The following ZNF536 variants were observed in gnomAD, a reference collection of about 807,000 sequenced individuals.
ZNF536 encodes the protein zinc finger protein 536.
A neutral mutation model predicts 84.5 loss-of-function variants in ZNF536; 13 were observed. The ratio of observed to expected loss-of-function variants is 0.15; its 90% confidence interval spans 0.10 to 0.24. ZNF536 has a LOEUF of 0.24. ZNF536 is among the 10% of genes least tolerant of loss of function. The pLI, the probability that ZNF536 is intolerant of heterozygous loss-of-function variation, is 1.00. For synonymous variants in ZNF536, 811 were observed against 742.5 expected (o/e 1.09, Z -1.50); for missense variants, 1,536 against 1,747.5 (o/e 0.88, Z 2.16).
intron 2 of ZNF536, among the ~76,000 whole-genome samples, chr19:30,341,630 T>C (rs1409221514): frequency 6.6e-6 from 1 of 152,040 alleles, no homozygotes; most frequent in Non-Finnish European, 1.5e-5. Flanking sequence ...GCCCCCCTCA[T>C]CTCTTTGTGC....
chr19:30,377,086 G>A (rs911629522), intron 1 of ZNF536, among the ~76,000 whole-genome samples: 15 of 152,352 alleles, frequency 9.8e-5, no homozygotes, highest in African/African-American at 3.6e-4. Flanking sequence ...GTCATCGAGA[G>A]AGCCAACGTG....
chr19:30,397,223 C>T (rs190756171), intron 1 of ZNF536, among the ~76,000 whole-genome samples: 6 of 152,296 alleles, frequency 3.9e-5, no homozygotes, highest in African/African-American at 1.4e-4. Flanking sequence ...ATGTCTAAAG[C>T]CACCTTTGCA....
At chr19:30,593,542 G>T (rs1349292522) in intron 1 of ZNF536, among the ~76,000 whole-genome samples, 1 of 152,118 alleles carries the variant, frequency 6.6e-6, no homozygotes, top group African/African-American at 2.4e-5. Context: ...AGGTAGGCAG[G>T]CCCAGCACAC....
In ZNF536 at chr19:30,586,235, C is replaced by A. The variant is rs929904002; in HGVS notation, c.169+36721C>A. ...GAATACCCTCTGCTTATCCTGGTTC[C>A]GTCGCTGGATGGAAGAAATTTTGAT... On this transcript the variant is annotated intron_variant, in intron 1 of 1. Coordinates refer to the ZNF536 transcript ENST00000592773. Among the ~76,000 whole-genome samples, 3 of 152,206 alleles carry A rather than the reference C, an allele frequency of 2.0e-5. No homozygotes were observed. In the South Asian group the frequency reaches 6.2e-4, roughly 32 times the overall value.
intron 2 of ZNF536, among the ~76,000 whole-genome samples, chr19:30,478,368 A>G (rs576973164): frequency 1.3e-5 from 2 of 152,096 alleles, no homozygotes; most frequent in South Asian, 2.1e-4. Context: ...TTCTATTTGT[A>G]TAAGTCCGGG....
At chr19:30,278,167 G>C (rs917140894) in intron 1 of ZNF536, among the ~76,000 whole-genome samples, 1 of 152,218 alleles carries the variant, frequency 6.6e-6, no homozygotes, top group South Asian at 2.1e-4. Flanking sequence ...GCCATGCCAC[G>C]TGGGGATCAC....
At chr19:30,491,820 T>C (rs1200961628) in intron 2 of ZNF536, among the ~76,000 whole-genome samples, 2 of 151,242 alleles carry the variant, frequency 1.3e-5, no homozygotes, top group Admixed American at 6.6e-5. Context: ...CAATGATTTC[T>C]TTTCCTTTCC....
chr19:30,685,738 G>A (rs1325585238), intron 1 of ZNF536, among the ~76,000 whole-genome samples: 1 of 152,154 alleles, frequency 6.6e-6, no homozygotes, highest in Non-Finnish European at 1.5e-5. Flanking sequence ...CCAGGGGGAT[G>A]GGGGCACCGT....
intron 3 of ZNF536, among the ~76,000 whole-genome samples, chr19:30,536,529 T>A (rs1395131571): frequency 6.6e-6 from 1 of 152,206 alleles, no homozygotes; most frequent in African/African-American, 2.4e-5. Context: ...TGAATTGCTG[T>A]CATTTCTATA....
intron 2 of ZNF536, among the ~76,000 whole-genome samples, chr19:30,447,781 G>T (rs190957431): frequency 6.6e-6 from 1 of 152,164 alleles, no homozygotes; most frequent in Non-Finnish European, 1.5e-5. Context: ...ACAGGACAGG[G>T]TGCAGACAGC....
chr19:30,496,066 T>A (rs916937700), intron 2 of ZNF536, among the ~76,000 whole-genome samples: 7 of 152,146 alleles, frequency 4.6e-5, no homozygotes, highest in African/African-American at 1.7e-4. Flanking sequence ...TGGATGAATG[T>A]CTTGAAGGAA....
chr19:30,427,784 C>A (rs1188525484), intron 1 of ZNF536, among the ~76,000 whole-genome samples: 3 of 152,166 alleles, frequency 2.0e-5, no homozygotes, highest in Non-Finnish European at 4.4e-5. Flanking sequence ...GGGCTCCTGA[C>A]TTTAGAAGGG....
At chr19:30,542,325 A>G (rs1314115951) in intron 3 of ZNF536, among the ~76,000 whole-genome samples, 1 of 152,224 alleles carries the variant, frequency 6.6e-6, no homozygotes, top group Non-Finnish European at 1.5e-5. Flanking sequence ...GCATGTAAAA[A>G]TAGGTACCGT....
intron 2 of ZNF536, among the ~76,000 whole-genome samples, chr19:30,460,692 C>T (rs980256700): frequency 6.6e-6 from 1 of 152,012 alleles, no homozygotes; most frequent in Admixed American, 6.6e-5. Flanking sequence ...GGACTGTGTC[C>T]CTCATCATGT....
intron 1 of ZNF536, among the ~76,000 whole-genome samples, chr19:30,379,212 G>A (rs918174558): frequency 6.6e-6 from 1 of 152,200 alleles, no homozygotes; most frequent in South Asian, 2.1e-4. Context: ...TTTGAGTAAG[G>A]CATCCCTCTC....
chr19:30,285,999 C>T lies in ZNF536; in HGVS notation c.-120+1858C>T, dbSNP rs543666385. ...ATGGTGCTTTTTCGGAAGTCTTTGG[C>T]TTTGGGAGAGAAGATGTGTGGGTGA... is the stretch of plus-strand genomic sequence containing the variant. On this transcript the variant is annotated intron_variant, in intron 2 of 5. Transcript: ENST00000585628. Among the ~76,000 whole-genome samples, 11 of 152,214 alleles carry T rather than the reference C, an allele frequency of 7.2e-5. 1 individual carries two copies. The South Asian group carries it at 2.3e-3, about 32-fold the overall frequency.
intron 1 of ZNF536, among the ~76,000 whole-genome samples, chr19:30,639,749 C>A (rs147125187): frequency 4.2e-4 from 64 of 152,330 alleles, no homozygotes; most frequent in African/African-American, 1.5e-3. Flanking sequence ...TGGTGTTTAT[C>A]TTCTTGGTCC....
At chr19:30,250,664 G>GT (rs1231213815) in intron 1 of ZNF536, among the ~76,000 whole-genome samples, 3 of 152,164 alleles carry the variant, frequency 2.0e-5, no homozygotes, top group Non-Finnish European at 4.4e-5. Context: ...TGAGAGCTGA[G>GT]TAATGTGCAG....
At chr19:30,237,383 G>C (rs1403660072) in intron 1 of ZNF536, among the ~76,000 whole-genome samples, 1 of 152,148 alleles carries the variant, frequency 6.6e-6, no homozygotes, top group African/African-American at 2.4e-5. Flanking sequence ...GGGCCAGGCA[G>C]CCTGGGGAGG....
Sources: gnomAD v4.1 joint callset for allele counts (sites outside exome capture counted in the v4.1 genomes callset) on GRCh38, gnomAD v4.1.1 for gene constraint, MANE v1.5 for transcripts, NCBI Gene and HGNC (gene_info 2026-07-23, HGNC 2026-07-21) for gene names.